EDIL3: variants seen among roughly 807,000 people sequenced by gnomAD.
The protein encoded by EDIL3 is EGF-like repeat and discoidin I-like domain-containing protein 3.
Under a neutral mutation model 67.4 loss-of-function variants are expected in EDIL3, and 37 were observed. The observed-to-expected ratio is 0.55, with a 90% confidence interval of 0.42 to 0.72. EDIL3 has a LOEUF of 0.72. Ranked by LOEUF, EDIL3 falls within the 30% of genes least tolerant of loss-of-function variation. EDIL3 has a pLI of 0.00. For synonymous variants in EDIL3, 195 were observed against 196.3 expected (o/e 0.99, Z 0.05); for missense variants, 527 against 586.3 (o/e 0.90, Z 1.04).
chr5:84,336,276 A>G (rs1247094817), intron 1 of EDIL3, among the ~76,000 whole-genome samples: 1 of 152,196 alleles, frequency 6.6e-6, no homozygotes, highest in African/African-American at 2.4e-5. Flanking sequence ...GTAGTTGAAG[A>G]ACAGGGTGGG....
chr5:84,054,124 T>G (rs1242876122), intron 9 of EDIL3, among the ~76,000 whole-genome samples: 1 of 152,198 alleles, frequency 6.6e-6, no homozygotes, highest in Non-Finnish European at 1.5e-5. Context: ...TCAAGTGGGC[T>G]TCATCCCTGG....
intron 1 of EDIL3, among the ~76,000 whole-genome samples, chr5:84,347,792 A>T (rs1747265037): frequency 6.6e-6 from 1 of 152,234 alleles, no homozygotes; most frequent in Non-Finnish European, 1.5e-5. Flanking sequence ...AGTTTCTATC[A>T]TGTAGAAAGG....
chr5:84,340,118 T>C (rs1350349522), intron 1 of EDIL3, among the ~76,000 whole-genome samples: 1 of 152,036 alleles, frequency 6.6e-6, no homozygotes, highest in Non-Finnish European at 1.5e-5. Context: ...TATCATGGCA[T>C]AGGTAGTATT....
At chr5:84,368,912 T>C (rs1352762638) in intron 1 of EDIL3, among the ~76,000 whole-genome samples, 1 of 151,562 alleles carries the variant, frequency 6.6e-6, no homozygotes, top group Non-Finnish European at 1.5e-5. Context: ...AAGTCAAAAC[T>C]AAAATGAGAT....
At chr5:84,329,730 T>C (rs939631374) in intron 1 of EDIL3, among the ~76,000 whole-genome samples, 3 of 152,078 alleles carry the variant, frequency 2.0e-5, no homozygotes, top group African/African-American at 7.2e-5. Flanking sequence ...TTTATTACAA[T>C]AATGATAAAG....
chr5:84,011,121 T>C (rs4587061), intron 9 of EDIL3, among the ~76,000 whole-genome samples: 150,620 of 152,272 alleles, frequency 0.99, 74,508 homozygotes, highest in East Asian at 1. Flanking sequence ...TATATAACAT[T>C]GCCTTCTGTT....
chr5:84,272,108 A>G (rs919144916), intron 1 of EDIL3, among the ~76,000 whole-genome samples: 2 of 152,196 alleles, frequency 1.3e-5, no homozygotes, highest in African/African-American at 2.4e-5. Context: ...GTTAGCCTTC[A>G]TCGGCTTTCT....
Position 84,141,842 on chromosome 5 carries a change from A to G in EDIL3, c.356-4488T>C, listed in dbSNP as rs140008114. On this transcript the variant is annotated intron_variant, in intron 4 of 10. Coordinates refer to ENST00000296591, the MANE Select transcript of EDIL3 (RefSeq NM_005711.5). The stretch of plus-strand genomic sequence containing the variant: ...TTCTCTTTGGCTTGGGTTTTTTCCT[A>G]GCAGAAATGCACACTCTGGAGATTT... 1.1e-3 allele frequency among the ~76,000 whole-genome samples: 170 copies of G among 147,962 alleles called. 1 individual carries two copies. The highest frequency in any genetic ancestry group is 3.7e-3 in the African/African-American group (150 of 40,532).
At chr5:84,220,519 G>C (rs1744321094) in intron 3 of EDIL3, among the ~76,000 whole-genome samples, 1 of 152,040 alleles carries the variant, frequency 6.6e-6, no homozygotes, top group Admixed American at 6.6e-5. Flanking sequence ...ACATAGCAAA[G>C]TATAGAAAAA....
intron 1 of EDIL3, among the ~76,000 whole-genome samples, chr5:84,284,372 C>T (rs1338586517): frequency 6.6e-6 from 1 of 152,088 alleles, no homozygotes; most frequent in Non-Finnish European, 1.5e-5. Flanking sequence ...AGCCCCATGA[C>T]ATTTCTCCTA....
At chr5:84,214,079 T>G (rs1744179824) in intron 3 of EDIL3, among the ~76,000 whole-genome samples, 1 of 152,198 alleles carries the variant, frequency 6.6e-6, no homozygotes, top group Non-Finnish European at 1.5e-5. Context: ...TGATGGTGGT[T>G]ATCATATTTG....
intron 1 of EDIL3, among the ~76,000 whole-genome samples, chr5:84,331,652 C>T (rs1049916061): frequency 2.0e-5 from 3 of 152,070 alleles, no homozygotes; most frequent in East Asian, 1.9e-4. Context: ...TACCCAGTCT[C>T]GGGTATTTCT....
intron 9 of EDIL3, among the ~76,000 whole-genome samples, chr5:84,015,402 T>C (rs1745585455): frequency 6.6e-6 from 1 of 152,230 alleles, no homozygotes; most frequent in African/African-American, 2.4e-5. Flanking sequence ...ACTCATAATT[T>C]CATTCTGCAA....
At chr5:84,029,846 AT>A (rs1254059579) in intron 9 of EDIL3, among the ~76,000 whole-genome samples, 5 of 152,196 alleles carry the variant, frequency 3.3e-5, no homozygotes, top group African/African-American at 1.2e-4. Flanking sequence ...TAAAAGATCT[AT>A]TTAAAAAATT....
At chr5:84,109,739 T>C (rs1397632183) in intron 5 of EDIL3, among the ~76,000 whole-genome samples, 1 of 152,096 alleles carries the variant, frequency 6.6e-6, no homozygotes, top group East Asian at 1.9e-4. Context: ...AACAGTTGCA[T>C]ACCACACTCT....
At chr5:84,178,968 G>A (rs1327460888) in intron 4 of EDIL3, among the ~76,000 whole-genome samples, 1 of 152,128 alleles carries the variant, frequency 6.6e-6, no homozygotes, top group Non-Finnish European at 1.5e-5. Flanking sequence ...TCTGAATATA[G>A]TATGAAGCTA....
chr5:84,161,779 G>A (rs1422518316), intron 4 of EDIL3, among the ~76,000 whole-genome samples: 2 of 152,042 alleles, frequency 1.3e-5, no homozygotes, highest in African/African-American at 4.8e-5. Context: ...AAAATTCACA[G>A]TCTGGGTCAC....
intron 4 of EDIL3, among the ~76,000 whole-genome samples, chr5:84,178,622 TC>T (rs894402058): frequency 1.3e-5 from 2 of 152,226 alleles, no homozygotes; most frequent in African/African-American, 4.8e-5. Context: ...AGTTCAATTA[TC>T]CAATTTGTAC....
At chr5:83,950,949 T>C in intron 10 of EDIL3, among the ~76,000 whole-genome samples, 1 of 151,872 alleles carries the variant, frequency 6.6e-6, no homozygotes. Flanking sequence ...ATAATTCATA[T>C]TGGATATTAA....
Sources: allele counts gnomAD v4.1 joint callset (sites outside exome capture counted in the v4.1 genomes callset), GRCh38; gene constraint gnomAD v4.1.1; transcripts MANE v1.5; gene names NCBI Gene and HGNC (gene_info 2026-07-23, HGNC 2026-07-21).